Variants in RAPGEF1 observed in about 807,000 individuals in gnomAD.
RAPGEF1 encodes CRK SH3-binding GNRP.
A neutral mutation model predicts 143.3 loss-of-function variants in RAPGEF1; 33 were observed. The observed-to-expected ratio is 0.23, with a 90% CI of 0.17 to 0.31. RAPGEF1 has a LOEUF of 0.31. Among genes scored for constraint, RAPGEF1 ranks in the 10% least tolerant of loss-of-function variants. The pLI, the probability that RAPGEF1 is intolerant of heterozygous loss-of-function variation, is 1.00. For synonymous variants in RAPGEF1, 629 were observed against 676.5 expected, an observed-to-expected ratio of 0.93 and a Z score of 1.09; for missense variants, 1,199 against 1,645.4, an observed-to-expected ratio of 0.73 and a Z score of 4.69.
Position 131,579,486 on chromosome 9 carries a change from G to A in RAPGEF1, c.*11C>T, listed in dbSNP as rs371749209. 4.5e-5 allele frequency: 72 copies of A among 1,612,976 alleles called. No homozygotes were observed. The African/African-American group carries it at 5.2e-4, about 12-fold the overall frequency. On this transcript the variant is annotated 3_prime_UTR_variant, in exon 27 of 27. Coordinates refer to ENST00000683357, the MANE Select transcript of RAPGEF1 (RefSeq NM_001377935.1). ...CCCCTCGAGCATTCTCCTGGATCCC[G>A]GCGTCTGCTCCTAGGTCTTCTCTTC...
At chr9:131,603,352 A>G (rs1474158519) in intron 14 of RAPGEF1, among the ~76,000 whole-genome samples, 1 of 152,212 alleles carries the variant, frequency 6.6e-6, no homozygotes, top group Non-Finnish European at 1.5e-5. Context: ...AAATGTGGAA[A>G]GTGGATTGCT....
intron 1 of RAPGEF1, among the ~76,000 whole-genome samples, chr9:131,660,658 G>GGAT (rs1230133283): frequency 1.3e-5 from 2 of 152,206 alleles, no homozygotes; most frequent in South Asian, 4.1e-4. Flanking sequence ...AGACTCCTAG[G>GGAT]GATGGACGGC....
At position 131,598,318 on chromosome 9, in the gene RAPGEF1, G is replaced by T; in HGVS notation, c.2502-8C>A. 1 of 1,612,034 alleles carries T rather than the reference G, an allele frequency of 6.2e-7. No individual in the cohort carries two copies. Among genetic ancestry groups the T allele is most frequent in the Non-Finnish European group, 8.5e-7 (1 of 1,178,680 alleles). ...TCTGGTGACTTTGGGGCCCTGCGGGGAGAAGTGGTTTGTGTTGCAAGTGTC... is the reference window on the plus strand; with the variant it reads ...TCTGGTGACTTTGGGGCCCTGCGGGTAGAAGTGGTTTGTGTTGCAAGTGTC... On this transcript the variant is annotated splice_region_variant and splice_polypyrimidine_tract_variant and intron_variant, in intron 15 of 26. Coordinates refer to ENST00000683357, the MANE Select transcript of RAPGEF1 (RefSeq NM_001377935.1).
intron 1 of RAPGEF1, among the ~76,000 whole-genome samples, chr9:131,726,874 C>A (rs1205817405): frequency 6.6e-6 from 1 of 151,982 alleles, no homozygotes; most frequent in Admixed American, 6.6e-5. Flanking sequence ...TGTGGTGGTA[C>A]GCACCTGTAG....
intron 1 of RAPGEF1, among the ~76,000 whole-genome samples, chr9:131,707,988 G>A (rs1293936575): frequency 6.6e-6 from 1 of 152,108 alleles, no homozygotes; most frequent in Admixed American, 6.5e-5. Flanking sequence ...TTTAATAGCC[G>A]TTTTGTTCAA....
intron 1 of RAPGEF1, among the ~76,000 whole-genome samples, chr9:131,714,081 C>T (rs952300923): frequency 6.6e-6 from 1 of 151,954 alleles, no homozygotes; most frequent in Non-Finnish European, 1.5e-5. Context: ...CAGGGTCTCC[C>T]TATATTGCCC....
Position 131,609,307 on chromosome 9 carries a change from CT to C in RAPGEF1, c.2062-4120del, listed in dbSNP as rs563834683. ...ACTGTTCTTATTACTGATGAAAATA[CT>C]GAGGCTGGGAGGGGAGACCACGTGC... On this transcript the variant is annotated intron_variant, in intron 12 of 26. Transcript: ENST00000683357. 1.5e-3 allele frequency among the ~76,000 whole-genome samples: 222 copies of C among 152,314 alleles called. 1 individual carries two copies. Among genetic ancestry groups the C allele is most frequent in the African/African-American group, 4.7e-3 (196 of 41,558 alleles).
At chr9:131,680,185 T>C (rs1832785848) in intron 1 of RAPGEF1, among the ~76,000 whole-genome samples, 1 of 152,268 alleles carries the variant, frequency 6.6e-6, no homozygotes, top group Non-Finnish European at 1.5e-5. Flanking sequence ...TGTAGAGAGT[T>C]AGTTATATTG....
intron 17 of RAPGEF1, among the ~76,000 whole-genome samples, chr9:131,592,674 A>C (rs1032990067): frequency 1.3e-5 from 2 of 152,170 alleles, no homozygotes; most frequent in Non-Finnish European, 2.9e-5. Context: ...CATGGGAACA[A>C]AGAAAATCGT....
At chr9:131,636,716 G>A (rs1966458932) in intron 5 of RAPGEF1, among the ~76,000 whole-genome samples, 1 of 152,164 alleles carries the variant, frequency 6.6e-6, no homozygotes, top group Non-Finnish European at 1.5e-5. Context: ...GGGTGGGTGG[G>A]CCAGAGTGAC....
rs530434901 is a variant in RAPGEF1, at chr9:131,610,088, G to A, written c.2062-4900C>T. Among the ~76,000 whole-genome samples the A allele has an allele frequency of 7.9e-5, 12 of 152,252 alleles. No individual in the cohort carries two copies. The South Asian group carries it at 8.3e-4, about 11-fold the overall frequency. On this transcript the variant is annotated intron_variant, in intron 12 of 26. Coordinates refer to ENST00000683357, the MANE Select transcript of RAPGEF1 (RefSeq NM_001377935.1). ...ATTTTTTGGATTTTGTAGAGATAGC[G>A]TTTTGCTGTGTTGCTCAGGCTGGTC... is the stretch of plus-strand genomic sequence containing the variant.
rs570813163 is a variant in RAPGEF1 at position 131,665,356 on chromosome 9, G to A, written c.62-14407C>T. On this transcript the variant is annotated intron_variant, in intron 1 of 26. Coordinates refer to ENST00000683357, the MANE Select transcript of RAPGEF1 (RefSeq NM_001377935.1). ...GCTTGAGTCCATCTGGCAATCCTTC[G>A]GCAAATCCTGTGAGTTCTACCTTAA... Among the ~76,000 whole-genome samples, 6 of 152,094 alleles carry A rather than the reference G, an allele frequency of 3.9e-5. No individual in the cohort carries two copies. In the South Asian group the frequency reaches 6.2e-4, roughly 16 times the overall value.
At chr9:131,663,153 T>C (rs1291753711) in intron 1 of RAPGEF1, among the ~76,000 whole-genome samples, 6 of 152,106 alleles carry the variant, frequency 3.9e-5, no homozygotes, top group African/African-American at 9.7e-5. Context: ...AAGAATACTA[T>C]GAAGCGAACG....
chr9:131,604,956 G>T lies in RAPGEF1; in HGVS notation c.2294C>A (p.Pro765His). 1 of 1,310,558 alleles carries T rather than the reference G, an allele frequency of 7.6e-7. No homozygotes were observed. Among genetic ancestry groups the T allele is most frequent in the Non-Finnish European group, 1.0e-6 (1 of 992,480 alleles). 81.2% of individuals were successfully genotyped at this position (1,310,558 alleles called of 1,614,324 possible). The stretch of plus-strand genomic sequence containing the variant: ...CGAGTCAGTGAAAGAGGTTTCGGAA[G>T]GAAGGCAGACAGTATTCCCATGAAA... ...SSFHGNTVCLPSETSFTDSSE... is the reference protein window; with the variant it reads ...SSFHGNTVCLHSETSFTDSSE... The change falls in exon 13 of 27, where the codon CCT becomes CAT. Residue 765 changes from proline to histidine, a missense_variant. Pro to His is a moderately conservative substitution (Grantham distance 77). Transcript: ENST00000683357.
Position 131,650,669 on chromosome 9 carries a change from C to T in RAPGEF1, c.201+141G>A. On this transcript the variant is annotated intron_variant, in intron 2 of 26. Coordinates refer to ENST00000683357, the MANE Select transcript of RAPGEF1 (RefSeq NM_001377935.1). This position sits in a 1 kb window ranked among gnomAD's most constrained non-coding sequence, Gnocchi z 4.7. ...TAATGGTTCTTATTTTACAAGGACA[C>T]CAAAGGTCCCGCCCATGGAATGCTA... 2.3e-6 allele frequency: 3 copies of T among 1,296,902 alleles called. No individual in the cohort carries two copies. Among genetic ancestry groups the T allele is most frequent in the Non-Finnish European group, 2.1e-6 (2 of 938,634 alleles). 80.3% of individuals were successfully genotyped at this position (1,296,902 alleles called of 1,614,324 possible).
Position 131,650,661 on chromosome 9 carries a change from C to A in RAPGEF1, c.201+149G>T. The A allele has an allele frequency of 8.2e-7, 1 of 1,222,164 alleles. No individual in the cohort carries two copies. The highest frequency in any genetic ancestry group is 1.5e-5 in the South Asian group (1 of 66,976). The allele number at this position is 1,222,164 out of a possible 1,614,324, so 75.7% of individuals were successfully genotyped here. The stretch of plus-strand genomic sequence containing the variant: ...CACCATCCTAATGGTTCTTATTTTA[C>A]AAGGACACCAAAGGTCCCGCCCATG... On this transcript the variant is annotated intron_variant, in intron 2 of 26. Coordinates refer to ENST00000683357, the MANE Select transcript of RAPGEF1 (RefSeq NM_001377935.1). This position sits in a 1 kb window ranked among gnomAD's most constrained non-coding sequence, Gnocchi z 4.7.
chr9:131,587,689 C>A (rs191806735), intron 22 of RAPGEF1, 47 bp downstream of exon 22: 2 of 1,559,974 alleles, frequency 1.3e-6, no homozygotes, highest in African/African-American at 2.7e-5. Context: ...CCCACCCAGA[C>A]GTGCCACCAT....
At chr9:131,737,381 G>A (rs374832882) in intron 1 of RAPGEF1, 7 of 1,613,342 alleles carry the variant, frequency 4.3e-6, no homozygotes, top group East Asian at 2.2e-5. Flanking sequence ...CCTCATTCCC[G>A]CACTCATGAC....
In RAPGEF1 at chr9:131,628,730, G is replaced by A. The variant is rs374770205; in HGVS notation, c.894-58C>T. On this transcript the variant is annotated intron_variant, in intron 7 of 26. Coordinates refer to ENST00000683357, the MANE Select transcript of RAPGEF1 (RefSeq NM_001377935.1). This position sits in a 1 kb window ranked among gnomAD's most constrained non-coding sequence, Gnocchi z 5.7. ...ACCACACTCACCAAAGCTCTTCAGC[G>A]TGATATTGGGGTACAGGATGTGGGG... 49 of 1,532,008 alleles carry A rather than the reference G, an allele frequency of 3.2e-5. No individual in the cohort carries two copies. Among genetic ancestry groups the A allele is most frequent in the East Asian group, 2.5e-4 (11 of 43,822 alleles). The allele number at this position is 1,532,008 out of a possible 1,614,324, so 94.9% of individuals were successfully genotyped here. A position where few individuals can be genotyped will look rare whatever the true frequency, so the allele number is the denominator to read the frequency against.
Sources: allele counts gnomAD v4.1 joint callset (sites outside exome capture counted in the v4.1 genomes callset), GRCh38; gene constraint gnomAD v4.1.1; non-coding constraint Gnocchi (gnomAD v3.1); transcripts MANE v1.5; gene names NCBI Gene and HGNC (gene_info 2026-07-23, HGNC 2026-07-21).